ACVR2B: variants seen among roughly 807,000 people sequenced by gnomAD.
ACVR2B encodes activin receptor type-2B.
Under a neutral mutation model 65.1 loss-of-function variants are expected in ACVR2B, and 18 were observed. That is an observed-to-expected ratio of 0.28 (90% CI 0.19 to 0.41). The LOEUF (loss-of-function observed/expected upper bound fraction) is 0.41. ACVR2B is among the 10% of genes least tolerant of loss of function. ACVR2B has a pLI of 1.00. For synonymous variants in ACVR2B, 298 were observed against 277.7 expected (o/e 1.07, Z -0.73); for missense variants, 482 against 682.7 (o/e 0.71, Z 3.28).
chr3:38,454,014 C>G lies in ACVR2B; in HGVS notation c.-309C>G, dbSNP rs1709496283. On this transcript the variant is annotated 5_prime_UTR_variant, in exon 1 of 11. Transcript: ENST00000352511. ...CCCTGCGCCCGGGGCCCGGGCCCAG[C>G]CCCGCCGCGCTATGCCTGAGTCGGG... 1 of 145,344 alleles carries G rather than the reference C, an allele frequency of 6.9e-6. No homozygotes were observed. Among genetic ancestry groups the G allele is most frequent in the Non-Finnish European group, 1.5e-5 (1 of 64,850 alleles). The allele number at this position is 145,344 out of a possible 1,614,324, so 9.0% of individuals were successfully genotyped here.
chr3:38,479,653 C>A, intron 6 of ACVR2B, 25 bp from the exon 7 acceptor site: 1 of 1,613,826 alleles, frequency 6.2e-7, no homozygotes, highest in South Asian at 1.1e-5. Context: ...AATCTGTGCT[C>A]AAGTTCTGTG....
At position 38,491,710 on chromosome 3, in the gene ACVR2B, A is replaced by AT. The variant is rs777773048; in HGVS notation, c.*8379dup. ...ATTCTTCAGGAGACCTCATCTGAAA[A>AT]TGTTAAGACTGCCAGTGAGGGAAGG... On this transcript the variant is annotated 3_prime_UTR_variant, in exon 11 of 11. Coordinates refer to ENST00000352511, the MANE Select transcript of ACVR2B (RefSeq NM_001106.4). 1 of 152,224 alleles carries AT rather than the reference A, an allele frequency of 6.6e-6. No homozygotes were observed. The highest frequency in any genetic ancestry group is 1.5e-5 in the Non-Finnish European group (1 of 68,030). The allele number at this position is 152,224 out of a possible 1,614,324, so 9.4% of individuals were successfully genotyped here.
intron 1 of ACVR2B, chr3:38,473,535 G>T (rs558002508): frequency 6.6e-6 from 1 of 152,634 alleles, no homozygotes; most frequent in East Asian, 1.9e-4. Flanking sequence ...GGAAGAGAGA[G>T]GAATGGGGGA....
At position 38,482,544 on chromosome 3, in the gene ACVR2B, A is replaced by G; in HGVS notation, c.1328A>G (p.His443Arg). Residue 443 changes from histidine (H) to arginine (R), a missense_variant, in exon 10 of 11, where the codon CAC becomes CGC. By Grantham distance (29) the His-to-Arg change is conservative. Coordinates refer to ENST00000352511, the MANE Select transcript of ACVR2B (RefSeq NM_001106.4). ...AAGATGAGGCCCACCATTAAAGATC[A>G]CTGGTTGAAACACCCGGTAAGGGGC... ...HKKMRPTIKD[H>R]WLKHPGLAQL... 6.2e-7 allele frequency: 1 copy of G among 1,610,974 alleles called. No individual in the cohort carries two copies. Among genetic ancestry groups the G allele is most frequent in the Non-Finnish European group, 8.5e-7 (1 of 1,179,584 alleles).
chr3:38,478,183 T>C lies in ACVR2B; in HGVS notation c.413T>C (p.Val138Ala), dbSNP rs1709946767. ...PPPTAPTLLT[V>A]LAYSLLPIGG... is the part of the protein sequence containing the mutation. The stretch of plus-strand genomic sequence containing the variant: ...CCGACAGCCCCCACCCTGCTCACGG[T>C]GCTGGCCTACTCACTGCTGCCCATC... The change falls in exon 4 of 11, where the codon GTG (valine) becomes GCG (alanine). Residue 138 changes from valine (V) to alanine (A), a missense_variant. This residue lies in a region of ACVR2B where 95 missense variants were observed against 91.6 expected (regional missense o/e 1.04). Coordinates refer to ENST00000352511, the MANE Select transcript of ACVR2B (RefSeq NM_001106.4). The C allele has an allele frequency of 6.2e-7, 1 of 1,613,374 alleles. No homozygotes were observed. Among genetic ancestry groups the C allele is most frequent in the African/African-American group, 1.3e-5 (1 of 74,872 alleles).
intron 6 of ACVR2B, among the ~76,000 whole-genome samples, 160 bp from the exon 7 acceptor site, chr3:38,479,518 C>T (rs1709979284): frequency 6.6e-6 from 1 of 152,178 alleles, no homozygotes; most frequent in Non-Finnish European, 1.5e-5. Context: ...ACCCCTAGCC[C>T]TCCCTGCCTC....
In ACVR2B at chr3:38,491,135, T is replaced by C. The variant is rs957577748; in HGVS notation, c.*7803T>C. 6.6e-6 allele frequency: 1 copy of C among 152,416 alleles called. No individual in the cohort carries two copies. Among genetic ancestry groups the C allele is most frequent in the African/African-American group, 2.4e-5 (1 of 41,454 alleles). The allele number at this position is 152,416 out of a possible 1,614,324, so 9.4% of individuals were successfully genotyped here. ...TATGTTGCTGTGAAATTAGGCCTTG[T>C]GGGATATGGCTGTTTGTCATTTTGA... On this transcript the variant is annotated 3_prime_UTR_variant, in exon 11 of 11. Coordinates refer to ENST00000352511, the MANE Select transcript of ACVR2B (RefSeq NM_001106.4).
rs905828058 is a variant in ACVR2B, at chr3:38,477,016, G to A, written c.53-271G>A. ...TTTATCCATCCTTCTGTGGCATTAG[G>A]TTTCCTGCCTCCTCCCTTTTGCTTA... On this transcript the variant is annotated intron_variant, in intron 1 of 10. Coordinates refer to ENST00000352511, the MANE Select transcript of ACVR2B (RefSeq NM_001106.4). The surrounding 1 kb of genome is among the most constrained non-coding windows in gnomAD (Gnocchi z 6.7). The A allele has an allele frequency of 2.0e-5, 11 of 563,374 alleles. No individual in the cohort carries two copies. The highest frequency in any genetic ancestry group is 1.5e-4 in the Admixed American group (5 of 32,774). The allele number at this position is 563,374 out of a possible 1,614,324, so 34.9% of individuals were successfully genotyped here. A position where few individuals can be genotyped will look rare whatever the true frequency, so the allele number is the denominator to read the frequency against.
Position 38,478,376 on chromosome 3 carries a change from A to G in ACVR2B, c.524A>G (p.Asp175Gly), listed in dbSNP as rs1575587844. Residue 175 changes from aspartate (D) to glycine (G), a missense_variant and splice_region_variant, in exon 5 of 11, where the codon GAC becomes GGC. Asp to Gly is a moderately conservative substitution (Grantham distance 94). This residue lies in a region of ACVR2B where 95 missense variants were observed against 91.6 expected (regional missense o/e 1.04). Transcript: ENST00000352511. ...PPYGHVDIHE[D>G]PGPPPPSPLV... The stretch of plus-strand genomic sequence containing the variant: ...TTTTTAAGCCTTGCTCTCCCCCAGG[A>G]CCCTGGGCCTCCACCACCATCCCCT... 6.2e-7 allele frequency: 1 copy of G among 1,613,960 alleles called. No homozygotes were observed. Among genetic ancestry groups the G allele is most frequent in the Non-Finnish European group, 8.5e-7 (1 of 1,179,970 alleles).
At chr3:38,460,221 A>G (rs1272975376) in intron 1 of ACVR2B, among the ~76,000 whole-genome samples, 1 of 151,750 alleles carries the variant, frequency 6.6e-6, no homozygotes, top group Admixed American at 6.6e-5. Context: ...CTGTGTTCCA[A>G]AACAGACACC....
intron 1 of ACVR2B, among the ~76,000 whole-genome samples, chr3:38,455,950 C>A (rs950985488): frequency 1.3e-5 from 2 of 152,174 alleles, no homozygotes; most frequent in African/African-American, 4.8e-5. Context: ...GGGGCTCTTC[C>A]AAGCCCAGGC....
intron 8 of ACVR2B, 70 bp from the exon 9 acceptor site, chr3:38,482,128 A>G (rs1710026926): frequency 1.9e-6 from 3 of 1,606,010 alleles, no homozygotes; most frequent in East Asian, 2.2e-5. Context: ...CAGAGGCTGT[A>G]ACTCCCATGT....
intron 5 of ACVR2B, 129 bp from the exon 6 acceptor site, chr3:38,478,999 G>C (rs1310993142): frequency 1.3e-5 from 16 of 1,240,626 alleles, no homozygotes; most frequent in Admixed American, 3.4e-5. Flanking sequence ...TGGGAGGCTG[G>C]GGGGTGGGGA....
chr3:38,479,649 T>C (rs1251441196), intron 6 of ACVR2B, 29 bp from the exon 7 acceptor site: 1 of 1,613,632 alleles, frequency 6.2e-7, no homozygotes. Context: ...CCAGAATCTG[T>C]GCTCAAGTTC....
In ACVR2B at chr3:38,477,064, G is replaced by C. The variant is rs1162121795; in HGVS notation, c.53-223G>C. 2 of 604,178 alleles carry C rather than the reference G, an allele frequency of 3.3e-6. No individual in the cohort carries two copies. The highest frequency in any genetic ancestry group is 5.9e-6 in the Non-Finnish European group (2 of 339,602). The allele number at this position is 604,178 out of a possible 1,614,324, so 37.4% of individuals were successfully genotyped here. A position where few individuals can be genotyped will look rare whatever the true frequency, so the allele number is the denominator to read the frequency against. On this transcript the variant is annotated intron_variant, in intron 1 of 10. Transcript: ENST00000352511. This position sits in a 1 kb window ranked among gnomAD's most constrained non-coding sequence, Gnocchi z 6.7. Reference sequence around the variant, plus strand: ...TTAGGCCTAGGGGCAGCTGTGATGGGCTGCAGAATGAGGTGGGGGCTGGTG... The same window carrying C: ...TTAGGCCTAGGGGCAGCTGTGATGGCCTGCAGAATGAGGTGGGGGCTGGTG...
intron 1 of ACVR2B, among the ~76,000 whole-genome samples, chr3:38,466,652 C>G (rs553174133): frequency 4.6e-5 from 7 of 151,998 alleles, no homozygotes; most frequent in African/African-American, 1.4e-4. Flanking sequence ...TACAGGCACA[C>G]GCCACCAAGC....
rs137995851 is a variant in ACVR2B at position 38,484,962 on chromosome 3, C to T, written c.*1630C>T. The T allele has an allele frequency of 3.3e-5, 5 of 152,704 alleles. No homozygotes were observed. The highest frequency in any genetic ancestry group is 3.9e-4 in the East Asian group (2 of 5,190). The allele number at this position is 152,704 out of a possible 1,614,324, so 9.5% of individuals were successfully genotyped here. ...GAGTGCTACCATTTTTGTTTGATAACGCCCCCTTGTAAATAATTGTCATCA... is the reference window on the plus strand; with the variant it reads ...GAGTGCTACCATTTTTGTTTGATAATGCCCCCTTGTAAATAATTGTCATCA... On this transcript the variant is annotated 3_prime_UTR_variant, in exon 11 of 11. Transcript: ENST00000352511.
In ACVR2B at chr3:38,489,033, T is replaced by C. The variant is rs1016922285; in HGVS notation, c.*5701T>C. The C allele has an allele frequency of 2.6e-5, 4 of 152,258 alleles. No homozygotes were observed. Among genetic ancestry groups the C allele is most frequent in the African/African-American group, 7.2e-5 (3 of 41,452 alleles). The allele number at this position is 152,258 out of a possible 1,614,324, so 9.4% of individuals were successfully genotyped here. A position where few individuals can be genotyped will look rare whatever the true frequency, so the allele number is the denominator to read the frequency against. On this transcript the variant is annotated 3_prime_UTR_variant, in exon 11 of 11. Coordinates refer to ENST00000352511, the MANE Select transcript of ACVR2B (RefSeq NM_001106.4). Reference sequence around the variant, plus strand: ...GTTTACATTTTTGAGCTCACAGTTATGAAAAATATGACCCACAAGTTTTTC... The same window carrying C: ...GTTTACATTTTTGAGCTCACAGTTACGAAAAATATGACCCACAAGTTTTTC...
chr3:38,462,562 CT>C (rs2125714060), intron 1 of ACVR2B, among the ~76,000 whole-genome samples: 1 of 152,344 alleles, frequency 6.6e-6, no homozygotes, highest in Admixed American at 6.5e-5. Context: ...TTGTGTCCAT[CT>C]TTTCCTCACC....
Sources: allele counts gnomAD v4.1 joint callset (sites outside exome capture counted in the v4.1 genomes callset), GRCh38; gene constraint gnomAD v4.1.1; regional missense constraint gnomAD v4.1.1; non-coding constraint Gnocchi (gnomAD v3.1); transcripts MANE v1.5; gene names NCBI Gene and HGNC (gene_info 2026-07-23, HGNC 2026-07-21).